Variants in DACH1 observed in about 807,000 individuals in gnomAD.
DACH1 encodes dachshund homolog 1.
A neutral mutation model predicts 54.2 loss-of-function variants in DACH1; 12 were observed. The ratio of observed to expected loss-of-function variants is 0.22; its 90% CI spans 0.14 to 0.36. The LOEUF is 0.36. Among genes scored for constraint, DACH1 ranks in the 10% least tolerant of loss-of-function variants. DACH1 has a pLI of 1.00. For missense variants in DACH1, 805 were observed against 929.8 expected, an observed-to-expected ratio of 0.87 and a Z score of 1.75; for synonymous variants, 386 against 366.2, an observed-to-expected ratio of 1.05 and a Z score of -0.62.
At chr13:71,744,495 G>T (rs1884526770) in intron 1 of DACH1, among the ~76,000 whole-genome samples, 1 of 152,174 alleles carries the variant, frequency 6.6e-6, no homozygotes, top group South Asian at 2.1e-4. Context: ...TCACAATTCT[G>T]AAGAATTGTG....
intron 1 of DACH1, among the ~76,000 whole-genome samples, chr13:71,692,900 TATC>T (rs1881599323): frequency 6.6e-6 from 1 of 152,156 alleles, no homozygotes; most frequent in African/African-American, 2.4e-5. Context: ...GGTGTTATAT[TATC>T]AACTACATAG....
At chr13:71,674,478 C>G (rs976745642) in intron 2 of DACH1, among the ~76,000 whole-genome samples, 1 of 147,134 alleles carries the variant, frequency 6.8e-6, no homozygotes, top group Admixed American at 6.8e-5. Flanking sequence ...CACACACACA[C>G]ACACACGAAG....
intron 1 of DACH1, among the ~76,000 whole-genome samples, chr13:71,687,762 C>G (rs1432666733): frequency 2.0e-5 from 3 of 152,148 alleles, no homozygotes; most frequent in Non-Finnish European, 4.4e-5. Context: ...GCACACACCA[C>G]TATGCCTAGG....
At chr13:71,583,660 T>C (rs1873008107) in intron 3 of DACH1, among the ~76,000 whole-genome samples, 1 of 151,964 alleles carries the variant, frequency 6.6e-6, no homozygotes, top group Admixed American at 6.6e-5. Context: ...CTGGGCAACA[T>C]GGGGAAACCG....
At chr13:71,646,333 G>A (rs1377910991) in intron 2 of DACH1, among the ~76,000 whole-genome samples, 44 of 142,212 alleles carry the variant, frequency 3.1e-4, no homozygotes, top group Non-Finnish European at 5.8e-4. Flanking sequence ...GCAAAACTCC[G>A]TCTCAAAAAA....
chr13:71,668,778 A>G (rs1250999154), intron 2 of DACH1, among the ~76,000 whole-genome samples: 1 of 152,066 alleles, frequency 6.6e-6, no homozygotes, highest in African/African-American at 2.4e-5. Context: ...TACAAAAATT[A>G]GCCAGGCATG....
At chr13:71,779,197 GTATATA>G (rs1341881947) in intron 1 of DACH1, among the ~76,000 whole-genome samples, 7 of 111,872 alleles carry the variant, frequency 6.3e-5, no homozygotes, top group Admixed American at 8.5e-5. Context: ...ACGTATATAC[GTATATA>G]TGTGTATATA....
chr13:71,799,909 G>T (rs956740729), intron 1 of DACH1, among the ~76,000 whole-genome samples: 1 of 152,028 alleles, frequency 6.6e-6, no homozygotes, highest in East Asian at 1.9e-4. Context: ...TCTTATATGT[G>T]TGTACACTAT....
At chr13:71,671,806 G>C (rs1880224126) in intron 2 of DACH1, among the ~76,000 whole-genome samples, 1 of 152,112 alleles carries the variant, frequency 6.6e-6, no homozygotes, top group Non-Finnish European at 1.5e-5. Flanking sequence ...AGGAAAATTT[G>C]AGGTTTTATT....
intron 6 of DACH1, among the ~76,000 whole-genome samples, chr13:71,504,615 C>T (rs1018870520): frequency 3.3e-5 from 5 of 152,068 alleles, no homozygotes; most frequent in Non-Finnish European, 5.9e-5. Context: ...GTCTTGCAGA[C>T]CTGATCATCA....
chr13:71,735,651 A>ATGGCATATGTG (rs1884078354), intron 1 of DACH1, among the ~76,000 whole-genome samples: 2 of 151,750 alleles, frequency 1.3e-5, no homozygotes, highest in Admixed American at 6.6e-5. Context: ...ATACGTGTAT[A>ATGGCATATGTG]TATATGGGAT....
chr13:71,725,939 A>G (rs950068728), intron 1 of DACH1, among the ~76,000 whole-genome samples: 2 of 152,050 alleles, frequency 1.3e-5, no homozygotes, highest in Non-Finnish European at 2.9e-5. Context: ...TGTATTTGCT[A>G]TTGTCTTTTG....
chr13:71,533,069 A>T (rs1882518585), intron 6 of DACH1, among the ~76,000 whole-genome samples: 1 of 151,802 alleles, frequency 6.6e-6, no homozygotes, highest in African/African-American at 2.4e-5. Flanking sequence ...TTTTAGAATA[A>T]CTGGTCAGGA....
chr13:71,807,288 T>C (rs1887539329), intron 1 of DACH1, among the ~76,000 whole-genome samples: 1 of 152,164 alleles, frequency 6.6e-6, no homozygotes. Flanking sequence ...TATTTGCTAA[T>C]ATATTTATAG....
At chr13:71,578,966 C>T (rs745598663) in intron 3 of DACH1, among the ~76,000 whole-genome samples, 3 of 151,852 alleles carry the variant, frequency 2.0e-5, no homozygotes, top group Non-Finnish European at 4.4e-5. Context: ...TTCTAACTGC[C>T]CCATTACCTA....
At chr13:71,543,646 G>A (rs1379686028) in intron 6 of DACH1, among the ~76,000 whole-genome samples, 1 of 152,030 alleles carries the variant, frequency 6.6e-6, no homozygotes, top group Non-Finnish European at 1.5e-5. Flanking sequence ...TAGATATATT[G>A]CTTAAACTCC....
rs1566552241 is a variant in DACH1, at chr13:71,866,317, G to GCTGCTGCTGCTGCTGCTA, written c.435_452dup (p.Ser158_Ser163dup). Reference sequence around the variant, plus strand: ...TACTGCTGCTGCTGCTACTACTGCTGCTGCTGCTGCTGCTGCTACTGCTGC... The same window carrying GCTGCTGCTGCTGCTGCTA: ...TACTGCTGCTGCTGCTACTACTGCTGCTGCTGCTGCTGCTGCTACTGCTGCTGCTGCTGCTACTGCTGC... On this transcript the variant is annotated inframe_insertion, in exon 1 of 11. Coordinates refer to ENST00000613252, the MANE Select transcript of DACH1 (RefSeq NM_080759.6). 14 of 1,542,738 alleles carry GCTGCTGCTGCTGCTGCTA rather than the reference G, an allele frequency of 9.1e-6. No individual in the cohort carries two copies. In the East Asian group the frequency reaches 1.7e-4, roughly 19 times the overall value.
At position 71,486,802 on chromosome 13, in the gene DACH1, ATTTATTT is replaced by A. The variant is rs1566289840; in HGVS notation, c.1722+2188_1722+2194del. 2.3e-3 allele frequency among the ~76,000 whole-genome samples: 65 copies of A among 27,868 alleles called. 1 individual carries two copies. In the South Asian group the frequency reaches 0.032, roughly 14 times the overall value. 18.3% of individuals were successfully genotyped at this position (27,868 alleles called of 152,430 possible). A position where few individuals can be genotyped will look rare whatever the true frequency, so the allele number is the denominator to read the frequency against. On this transcript the variant is annotated intron_variant, in intron 7 of 10. Coordinates refer to ENST00000613252, the MANE Select transcript of DACH1 (RefSeq NM_080759.6). ...GCGGACAAGCTAAATTAATTAATTT[ATTTATTT>A]ATTTATCTATCTATCTATCTATCTA...
At chr13:71,586,494 T>C (rs1248204923) in intron 3 of DACH1, among the ~76,000 whole-genome samples, 2 of 152,142 alleles carry the variant, frequency 1.3e-5, no homozygotes, top group African/African-American at 4.8e-5. Flanking sequence ...CATCAGCAGA[T>C]AGGAAAACAG....
Sources: allele counts gnomAD v4.1 joint callset (sites outside exome capture counted in the v4.1 genomes callset), GRCh38; gene constraint gnomAD v4.1.1; transcripts MANE v1.5; gene names NCBI Gene and HGNC (gene_info 2026-07-23, HGNC 2026-07-21).